The following DMRT1 variants were observed in gnomAD, a reference collection of about 807,000 sequenced individuals.
DMRT1 encodes doublesex- and mab-3-related transcription factor 1.
In DMRT1, 7 loss-of-function variants were observed where a neutral mutation model predicts 32.3. That is an observed-to-expected ratio of 0.22 (90% CI 0.12 to 0.41). The LOEUF is 0.41. Ranked by LOEUF, DMRT1 falls within the 10% of genes least tolerant of loss-of-function variation. DMRT1 has a pLI of 1.00. For synonymous variants in DMRT1, 278 were observed against 206.1 expected (o/e 1.35, Z -2.99); for missense variants, 625 against 500.5 (o/e 1.25, Z -2.37).
At chr9:854,846 A>G (rs1264898431) in intron 2 of DMRT1, among the ~76,000 whole-genome samples, 3 of 148,996 alleles carry the variant, frequency 2.0e-5, no homozygotes, top group Admixed American at 6.8e-5. Context: ...GCTCACTGCA[A>G]GCTCCGCCTC....
intron 4 of DMRT1, among the ~76,000 whole-genome samples, chr9:935,499 T>C (rs1818856384): frequency 2.0e-5 from 3 of 152,238 alleles, no homozygotes; most frequent in Admixed American, 2.0e-4. Flanking sequence ...TGAGTCTGAC[T>C]CCAGTGCTAA....
chr9:963,987 C>G (rs1036101049), intron 4 of DMRT1, among the ~76,000 whole-genome samples: 4 of 152,150 alleles, frequency 2.6e-5, no homozygotes, highest in Admixed American at 1.3e-4. Context: ...AAAAATGCCA[C>G]TTGTATTTTA....
chr9:856,472 T>C (rs761011973), intron 2 of DMRT1, among the ~76,000 whole-genome samples: 1 of 152,214 alleles, frequency 6.6e-6, no homozygotes, highest in South Asian at 2.1e-4. Flanking sequence ...AAATTTTATA[T>C]AACTGGAATG....
intron 2 of DMRT1, among the ~76,000 whole-genome samples, chr9:857,900 G>C (rs2132568363): frequency 6.6e-6 from 1 of 151,026 alleles, no homozygotes; most frequent in Admixed American, 6.6e-5. Context: ...CCTTGCGATA[G>C]TTTGCTGAGA....
At chr9:951,612 C>T (rs577633784) in intron 4 of DMRT1, among the ~76,000 whole-genome samples, 1 of 152,220 alleles carries the variant, frequency 6.6e-6, no homozygotes, top group South Asian at 2.1e-4. Flanking sequence ...TTGCATGTAC[C>T]TCTTGGGTAA....
intron 2 of DMRT1, among the ~76,000 whole-genome samples, chr9:881,241 C>G (rs1816725097): frequency 6.6e-6 from 1 of 152,108 alleles, no homozygotes; most frequent in African/African-American, 2.4e-5. Context: ...TCATGACAGC[C>G]AGGAAAATTT....
intron 4 of DMRT1, among the ~76,000 whole-genome samples, chr9:939,551 G>A (rs1044523264): frequency 6.6e-6 from 1 of 152,032 alleles, no homozygotes. Context: ...TCTTTCTCTC[G>A]TTTGTTCTCT....
At chr9:857,243 G>A (rs1193772226) in intron 2 of DMRT1, among the ~76,000 whole-genome samples, 1 of 152,100 alleles carries the variant, frequency 6.6e-6, no homozygotes, top group African/African-American at 2.4e-5. Flanking sequence ...GGACGTGGAG[G>A]TTGCAGGGAG....
intron 4 of DMRT1, among the ~76,000 whole-genome samples, chr9:960,961 GC>G (rs1819753079): frequency 6.6e-6 from 1 of 152,196 alleles, no homozygotes; most frequent in African/African-American, 2.4e-5. Flanking sequence ...TTGTCACCGG[GC>G]CACACGTGTG....
rs1010078425 is a variant in DMRT1 at position 882,760 on chromosome 9, C to CTTT, written c.539-11135_539-11133dup. Among the ~76,000 whole-genome samples the CTTT allele has an allele frequency of 5.8e-3, 681 of 118,330 alleles. 13 individuals carry two copies. The highest frequency in any genetic ancestry group is 6.8e-3 in the Non-Finnish European group (403 of 59,536). The allele number at this position is 118,330 out of a possible 152,430, so 77.6% of individuals were successfully genotyped here. Reference sequence around the variant, plus strand: ...AGTGGCGCCCCCGTCTCCCCTGAATCTTTTTTTTTTTTTTTTTTTGTCTGT... The same window carrying CTTT: ...AGTGGCGCCCCCGTCTCCCCTGAATCTTTTTTTTTTTTTTTTTTTTTTGTCTGT... On this transcript the variant is annotated intron_variant, in intron 2 of 4. Transcript: ENST00000382276.
At chr9:940,704 G>A (rs1184167588) in intron 4 of DMRT1, among the ~76,000 whole-genome samples, 1 of 152,072 alleles carries the variant, frequency 6.6e-6, no homozygotes, top group African/African-American at 2.4e-5. Flanking sequence ...TGGACTTGAT[G>A]TTGAAAATCT....
At chr9:848,421 G>A (rs1838996303) in intron 2 of DMRT1, among the ~76,000 whole-genome samples, 1 of 152,090 alleles carries the variant, frequency 6.6e-6, no homozygotes, top group South Asian at 2.1e-4. Context: ...GTCTGTCTGT[G>A]TCTGTCTTTG....
intron 2 of DMRT1, among the ~76,000 whole-genome samples, chr9:872,306 C>A (rs1186002566): frequency 6.6e-6 from 1 of 152,178 alleles, no homozygotes; most frequent in Non-Finnish European, 1.5e-5. Flanking sequence ...TGTGATCCAC[C>A]CGCCTTGGCC....
chr9:943,164 A>G (rs982840210), intron 4 of DMRT1, among the ~76,000 whole-genome samples: 67 of 152,216 alleles, frequency 4.4e-4, no homozygotes, highest in Admixed American at 2.0e-4. Flanking sequence ...AGCCAACATA[A>G]AATTGTGAAG....
rs146975077 is a variant in DMRT1 at position 894,147 on chromosome 9, G to C, written c.774G>C (p.Arg258=). Residue 258 remains arginine (R), a synonymous_variant, in exon 3 of 5, where the codon CGG becomes CGC. Coordinates refer to ENST00000382276, the MANE Select transcript of DMRT1 (RefSeq NM_021951.3). The part of the protein sequence containing the change: ...LGGSPVKNSL[R]GLPGPYVPGQ... ...GATCCCCTGTGAAGAACAGCCTTCG[G>C]GGCCTCCCCGGACCTTATGTGCCTG... 2,700 of 1,614,084 alleles carry C rather than the reference G, an allele frequency of 1.7e-3. 46 individuals carry two copies. The African/African-American group carries it at 0.029, about 18-fold the overall frequency.
At position 968,013 on chromosome 9, in the gene DMRT1, T is replaced by C. The variant is rs1483126725; in HGVS notation, c.996T>C (p.Ser332=). The C allele has an allele frequency of 2.5e-6, 4 of 1,614,008 alleles. No homozygotes were observed. The South Asian group carries it at 4.4e-5, about 18-fold the overall frequency. The part of the protein sequence containing the change: ...SVFSPPSSQD[S]GLVSLSSSSP... ...TCTCGCCGCCCAGCAGTCAAGATTC[T>C]GGCTTGGTTTCCCTCTCGAGCAGCT... is the stretch of plus-strand genomic sequence containing the variant. Residue 332 remains serine (S), a synonymous_variant, in exon 5 of 5, where the codon TCT becomes TCC. Coordinates refer to ENST00000382276, the MANE Select transcript of DMRT1 (RefSeq NM_021951.3).
chr9:914,157 C>T (rs1208356183), intron 3 of DMRT1, among the ~76,000 whole-genome samples: 25 of 152,158 alleles, frequency 1.6e-4, no homozygotes, highest in Admixed American at 1.6e-3. Context: ...TGTCCCTTTT[C>T]TCTTAAATGG....
rs1301999403 is a variant in DMRT1, at chr9:864,723, A to G, written c.538+17580A>G. Among the ~76,000 whole-genome samples, 4 of 145,770 alleles carry G rather than the reference A, an allele frequency of 2.7e-5. No homozygotes were observed. In the South Asian group the frequency reaches 6.6e-4, roughly 24 times the overall value. On this transcript the variant is annotated intron_variant, in intron 2 of 4. Coordinates refer to ENST00000382276, the MANE Select transcript of DMRT1 (RefSeq NM_021951.3). ...CACCATGTTAGCCAGGATGGTCTCC[A>G]TCTCCTAACCTTGCGATCCGCCCAC...
intron 1 of DMRT1, among the ~76,000 whole-genome samples, chr9:845,720 C>A (rs2132539963): frequency 6.6e-6 from 1 of 152,290 alleles, no homozygotes; most frequent in East Asian, 1.9e-4. Flanking sequence ...GCTTCTCCCG[C>A]ATGCTCCCTC....
Sources: gnomAD v4.1 joint callset for allele counts (sites outside exome capture counted in the v4.1 genomes callset) on GRCh38, gnomAD v4.1.1 for gene constraint, MANE v1.5 for transcripts, NCBI Gene and HGNC (gene_info 2026-07-23, HGNC 2026-07-21) for gene names.